SLCO2B1: variants seen among roughly 807,000 people sequenced by gnomAD.
SLCO2B1 encodes the protein solute carrier organic anion transporter family member 2B1.
Under a neutral mutation model 67.3 loss-of-function variants are expected in SLCO2B1, and 41 were observed. The ratio of observed to expected loss-of-function variants is 0.61; its 90% CI spans 0.47 to 0.79. SLCO2B1 has a LOEUF of 0.79. SLCO2B1 is among the 30% of genes least tolerant of loss of function. The probability of loss-of-function intolerance (pLI) is 0.00; values close to 1 mark genes in which losing one functional copy is unlikely to be tolerated. For synonymous variants in SLCO2B1, 379 were observed against 381.4 expected, an observed-to-expected ratio of 0.99 and a Z score of 0.07; for missense variants, 837 against 920.1, an observed-to-expected ratio of 0.91 and a Z score of 1.17.
chr11:75,193,686 CT>C lies in SLCO2B1; in HGVS notation c.1433+112del. 1 of 947,964 alleles carries C rather than the reference CT, an allele frequency of 1.1e-6. No homozygotes were observed. Among genetic ancestry groups the C allele is most frequent in the Middle Eastern group, 3.1e-4 (1 of 3,218 alleles). The allele number at this position is 947,964 out of a possible 1,614,324, so 58.7% of individuals were successfully genotyped here. On this transcript the variant is annotated intron_variant, in intron 9 of 13. Coordinates refer to ENST00000289575, the MANE Select transcript of SLCO2B1 (RefSeq NM_007256.5). The surrounding 1 kb of genome is among the most constrained non-coding windows in gnomAD (Gnocchi z 4.2). ...GGGCAACCCCTGCCTCAAATCTTGC[CT>C]CCCCAGTTCTGCTTAACAGCCCTTT...
chr11:75,193,392 C>T lies in SLCO2B1; in HGVS notation c.1250C>T (p.Ser417Phe), dbSNP rs761821836. The change falls in exon 9 of 14, where the codon TCC becomes TTC. Residue 417 changes from serine (S) to phenylalanine (F), a missense_variant. Coordinates refer to ENST00000289575, the MANE Select transcript of SLCO2B1 (RefSeq NM_007256.5). This position sits in a 1 kb window ranked among gnomAD's most constrained non-coding sequence, Gnocchi z 4.2. ...GCCAACCTGCTCATCGGCTGCCTCT[C>T]CTTCCCTTCGGTCATCGTGGGCATC... ...SYANLLIGCL[S>F]FPSVIVGIVV... 2 of 1,614,226 alleles carry T rather than the reference C, an allele frequency of 1.2e-6. No individual in the cohort carries two copies. The highest frequency in any genetic ancestry group is 1.7e-6 in the Non-Finnish European group (2 of 1,180,042).
At chr11:75,156,171 G>A (rs1278364090) in intron 1 of SLCO2B1, among the ~76,000 whole-genome samples, 3 of 152,198 alleles carry the variant, frequency 2.0e-5, no homozygotes, top group Admixed American at 1.3e-4. Flanking sequence ...ACATAGCTAC[G>A]ATATGACAAA....
chr11:75,165,195 G>C (rs1949872529), intron 3 of SLCO2B1, among the ~76,000 whole-genome samples: 1 of 152,150 alleles, frequency 6.6e-6, no homozygotes, highest in Admixed American at 6.5e-5. Context: ...ACTTTGGGAG[G>C]CTGAGGTGGG....
chr11:75,164,056 G>A lies in SLCO2B1; in HGVS notation c.241G>A (p.Gly81Ser), dbSNP rs750333137. The A allele has an allele frequency of 1.2e-5, 20 of 1,607,856 alleles. No individual in the cohort carries two copies. In the South Asian group the frequency reaches 1.5e-4, roughly 12 times the overall value. Residue 81 changes from glycine to serine, a missense_variant, in exon 3 of 14, where the codon GGC becomes AGC. By Grantham distance (56) the Gly-to-Ser change is moderately conservative (BLOSUM62 0). Transcript: ENST00000289575. ...CATCTCCACAGTGGAGAAGCGCTTCGGCCTCTCCAGCCAGACGTCGGGGCT... is the reference window on the plus strand; with the variant it reads ...CATCTCCACAGTGGAGAAGCGCTTCAGCCTCTCCAGCCAGACGTCGGGGCT... ...SSISTVEKRFGLSSQTSGLLA... is the reference protein window; with the variant it reads ...SSISTVEKRFSLSSQTSGLLA...
chr11:75,204,515 C>T lies in SLCO2B1; in HGVS notation c.2065C>T (p.Pro689Ser), dbSNP rs772905542. ...AAGGACCAAAGAGAGCAGATCCAGC[C>T]CTGCCGTAGAGCAGCAATTGCTAGT... is the stretch of plus-strand genomic sequence containing the variant. The part of the protein sequence containing the change: ...EARTKESRSS[P>S]AVEQQLLVSG... The change falls in exon 14 of 14, where the codon CCT (proline) becomes TCT (serine). Residue 689 changes from proline (P) to serine (S), a missense_variant. Coordinates refer to ENST00000289575, the MANE Select transcript of SLCO2B1 (RefSeq NM_007256.5). The T allele has an allele frequency of 3.1e-6, 5 of 1,613,380 alleles. No homozygotes were observed. The South Asian group carries it at 4.4e-5, about 14-fold the overall frequency.
chr11:75,182,541 G>A (rs148115154), intron 7 of SLCO2B1, among the ~76,000 whole-genome samples: 17 of 152,286 alleles, frequency 1.1e-4, no homozygotes, highest in East Asian at 3.9e-4. Flanking sequence ...TCAGGAGTTC[G>A]AGACCAGCCT....
chr11:75,179,777 C>T (rs1393834964), intron 7 of SLCO2B1, among the ~76,000 whole-genome samples: 1 of 152,126 alleles, frequency 6.6e-6, no homozygotes, highest in Non-Finnish European at 1.5e-5. Context: ...CACTCTGTCA[C>T]CCAGGCTGGA....
chr11:75,201,687 C>T (rs1279497382), intron 11 of SLCO2B1: 1 of 152,150 alleles, frequency 6.6e-6, no homozygotes, highest in East Asian at 1.9e-4. Context: ...TAATGTTTAT[C>T]GGTTTATTAT....
At chr11:75,195,667 G>A (rs1945087875) in intron 9 of SLCO2B1, among the ~76,000 whole-genome samples, 1 of 152,138 alleles carries the variant, frequency 6.6e-6, no homozygotes, top group African/African-American at 2.4e-5. Flanking sequence ...CCCACCCCAA[G>A]CCCAAGACAG....
chr11:75,162,168 G>A (rs1949828797), intron 1 of SLCO2B1, among the ~76,000 whole-genome samples: 1 of 152,126 alleles, frequency 6.6e-6, no homozygotes, highest in Admixed American at 6.5e-5. Flanking sequence ...TTTATTCCCT[G>A]ACTATGGACC....
At chr11:75,198,375 C>G (rs1167500784) in intron 10 of SLCO2B1, among the ~76,000 whole-genome samples, 1 of 152,228 alleles carries the variant, frequency 6.6e-6, no homozygotes, top group Non-Finnish European at 1.5e-5. Flanking sequence ...TGAATAAATG[C>G]TTTACCTGGA....
chr11:75,181,467 G>A (rs1650861166), intron 7 of SLCO2B1, among the ~76,000 whole-genome samples: 1 of 152,092 alleles, frequency 6.6e-6, no homozygotes, highest in Non-Finnish European at 1.5e-5. Context: ...TTCATGGGGT[G>A]GGAGGAAGTT....
In SLCO2B1 at chr11:75,169,359, C is replaced by T; in HGVS notation, c.635C>T (p.Ser212Phe). Residue 212 changes from serine (S) to phenylalanine (F), a missense_variant, in exon 5 of 14, where the codon TCC (serine) becomes TTC (phenylalanine). By Grantham distance (155) the Ser-to-Phe change is radical (BLOSUM62 -2). Transcript: ENST00000289575. ...GGVPIQPFGI[S>F]YIDDFAHNSN... The stretch of plus-strand genomic sequence containing the variant: ...GTGCCCATTCAGCCCTTTGGCATCT[C>T]CTACATCGATGACTTTGCCCACAAC... 1 of 1,611,856 alleles carries T rather than the reference C, an allele frequency of 6.2e-7. No individual in the cohort carries two copies. Among genetic ancestry groups the T allele is most frequent in the Non-Finnish European group, 8.5e-7 (1 of 1,178,352 alleles).
At position 75,206,532 on chromosome 11, in the gene SLCO2B1, C is replaced by T. The variant is rs1254346311; in HGVS notation, c.*1952C>T. 1.3e-5 allele frequency: 2 copies of T among 152,144 alleles called. No individual in the cohort carries two copies. Among genetic ancestry groups the T allele is most frequent in the Admixed American group, 6.5e-5 (1 of 15,272 alleles). The allele number at this position is 152,144 out of a possible 1,614,324, so 9.4% of individuals were successfully genotyped here. The stretch of plus-strand genomic sequence containing the variant: ...CATTTTATAGAAGAGGAAACTGGCT[C>T]AGAAAGCACAAGTGACTTCCCCAAG... On this transcript the variant is annotated 3_prime_UTR_variant, in exon 14 of 14. Coordinates refer to ENST00000289575, the MANE Select transcript of SLCO2B1 (RefSeq NM_007256.5).
At chr11:75,190,126 G>GTCCCCGGCACTCT (rs2140334459) in intron 8 of SLCO2B1, among the ~76,000 whole-genome samples, 1 of 152,334 alleles carries the variant, frequency 6.6e-6, no homozygotes, top group African/African-American at 2.4e-5. Context: ...ATGCTATTAG[G>GTCCCCGGCACTCT]TCCCCGGCAC....
At position 75,193,717 on chromosome 11, in the gene SLCO2B1, A is replaced by G; in HGVS notation, c.1433+142A>G. On this transcript the variant is annotated intron_variant, in intron 9 of 13. Transcript: ENST00000289575. The surrounding 1 kb of genome is among the most constrained non-coding windows in gnomAD (Gnocchi z 4.2). The stretch of plus-strand genomic sequence containing the variant: ...AGTTCTGCTTAACAGCCCTTTAGAG[A>G]TTCGAGTCAAGCAGTGGGGTGCTCC... The G allele has an allele frequency of 1.4e-6, 1 of 701,088 alleles. No homozygotes were observed. Among genetic ancestry groups the G allele is most frequent in the Non-Finnish European group, 2.3e-6 (1 of 444,076 alleles). The allele number at this position is 701,088 out of a possible 1,614,324, so 43.4% of individuals were successfully genotyped here. A position where few individuals can be genotyped will look rare whatever the true frequency, so the allele number is the denominator to read the frequency against.
In SLCO2B1 at chr11:75,175,989, T is replaced by C. The variant is rs7941745; in HGVS notation, c.972+3420T>C. On this transcript the variant is annotated intron_variant, in intron 7 of 13. Coordinates refer to ENST00000289575, the MANE Select transcript of SLCO2B1 (RefSeq NM_007256.5). ...TTTCTTGCCTTTGGCTCTGTCCCTG[T>C]ATCTGCGGCCTCAGAGCTCAGGTGC... Among the ~76,000 whole-genome samples the C allele has an allele frequency of 3.2e-3, 480 of 152,268 alleles. 1 individual carries two copies. Among genetic ancestry groups the C allele is most frequent in the Non-Finnish European group, 5.9e-3 (404 of 67,998 alleles).
At chr11:75,163,821 C>G in intron 2 of SLCO2B1, 142 bp from the exon 3 acceptor site, 1 of 903,452 alleles carries the variant, frequency 1.1e-6, no homozygotes, top group Non-Finnish European at 1.6e-6. Context: ...TGTCTCTCTT[C>G]TGTTGGTCAC....
At chr11:75,180,240 C>T (rs1038997156) in intron 7 of SLCO2B1, among the ~76,000 whole-genome samples, 2 of 152,212 alleles carry the variant, frequency 1.3e-5, no homozygotes, top group African/African-American at 4.8e-5. Flanking sequence ...TGGCCTCGAA[C>T]TCCTGACCTT....
Sources: gnomAD v4.1 joint callset for allele counts (sites outside exome capture counted in the v4.1 genomes callset) on GRCh38, gnomAD v4.1.1 for gene constraint, Gnocchi (gnomAD v3.1) non-coding constraint, MANE v1.5 for transcripts, NCBI Gene and HGNC (gene_info 2026-07-23, HGNC 2026-07-21) for gene names.